The following HDAC9 variants were observed in gnomAD, a reference collection of about 807,000 sequenced individuals.
HDAC9 encodes MEF-2 interacting transcription repressor (MITR) protein.
A neutral mutation model predicts 139.4 loss-of-function variants in HDAC9; 41 were observed. That is an observed-to-expected ratio of 0.29 (90% CI 0.23 to 0.38). HDAC9 has a LOEUF of 0.38. Among genes scored for constraint, HDAC9 ranks in the 10% least tolerant of loss-of-function variants. The probability of loss-of-function intolerance (pLI) is 1.00; values close to 1 mark genes in which losing one functional copy is unlikely to be tolerated. For synonymous variants in HDAC9, 517 were observed against 476.2 expected (o/e 1.09, Z -1.12); for missense variants, 1,147 against 1,297.0 (o/e 0.88, Z 1.78).
intron 12 of HDAC9, among the ~76,000 whole-genome samples, chr7:18,720,024 A>C (rs1785024887): frequency 6.6e-6 from 1 of 152,198 alleles, no homozygotes; most frequent in Non-Finnish European, 1.5e-5. Context: ...AGCAAGGAAC[A>C]CACTGTTTTA....
intron 1 of HDAC9, among the ~76,000 whole-genome samples, chr7:18,136,519 T>C (rs1562659438): frequency 1.3e-5 from 2 of 152,236 alleles, no homozygotes. Context: ...GCTTTCTACA[T>C]ATGGCTAGCC....
At chr7:18,155,692 G>C (rs1439551674) in intron 1 of HDAC9, among the ~76,000 whole-genome samples, 2 of 152,166 alleles carry the variant, frequency 1.3e-5, no homozygotes, top group African/African-American at 4.8e-5. Flanking sequence ...CAGAGACTGT[G>C]TGTTAGATGT....
intron 2 of HDAC9, among the ~76,000 whole-genome samples, chr7:18,229,292 C>G (rs1431383637): frequency 2.6e-5 from 4 of 152,144 alleles, no homozygotes; most frequent in Non-Finnish European, 4.4e-5. Context: ...TGGTAACGAT[C>G]CATTTACCCA....
chr7:18,459,651 TA>T (rs1434127493), intron 1 of HDAC9, among the ~76,000 whole-genome samples: 1 of 152,156 alleles, frequency 6.6e-6, no homozygotes, highest in African/African-American at 2.4e-5. Context: ...GTATTCAAAT[TA>T]CAAATTAACA....
intron 6 of HDAC9, among the ~76,000 whole-genome samples, chr7:18,600,194 TACAA>T (rs1481519668): frequency 6.6e-6 from 1 of 152,152 alleles, no homozygotes; most frequent in African/African-American, 2.4e-5. Context: ...GTATTTTGGG[TACAA>T]ATTCTTTTTT....
At position 18,996,111 on chromosome 7, in the gene HDAC9, T is replaced by TC. The variant is rs989072453; in HGVS notation, c.*55dup. ...TTCCTGTGTGTGACATCATTGTGTA[T>TC]CCCCCCACCCCAGTACCCTCAGACA... On this transcript the variant is annotated 3_prime_UTR_variant, in exon 26 of 26. Coordinates refer to ENST00000686413, the MANE Select transcript of HDAC9 (RefSeq NM_178425.4). 5.0e-6 allele frequency: 7 copies of TC among 1,392,388 alleles called. No individual in the cohort carries two copies. Among genetic ancestry groups the TC allele is most frequent in the East Asian group, 2.4e-5 (1 of 42,440 alleles). The allele number at this position is 1,392,388 out of a possible 1,614,324, so 86.3% of individuals were successfully genotyped here.
rs193238317 is a variant in HDAC9 at position 18,612,037 on chromosome 7, T to C, written c.665-17313T>C. Among the ~76,000 whole-genome samples the C allele has an allele frequency of 2.7e-4, 41 of 152,280 alleles. No homozygotes were observed. In the East Asian group the frequency reaches 6.9e-3, roughly 26 times the overall value. On this transcript the variant is annotated intron_variant, in intron 6 of 25. Coordinates refer to ENST00000686413, the MANE Select transcript of HDAC9 (RefSeq NM_178425.4). Reference sequence around the variant, plus strand: ...CTAATTTGCTGATTATTGACAGAATTCTGAGAAATTGTAAATGTCATAGTA... The same window carrying C: ...CTAATTTGCTGATTATTGACAGAATCCTGAGAAATTGTAAATGTCATAGTA...
chr7:18,833,551 T>C (rs76071737), intron 19 of HDAC9, among the ~76,000 whole-genome samples: 1,614 of 152,318 alleles, frequency 0.011, 32 homozygotes, highest in African/African-American at 0.036. Context: ...ACAAAAGACA[T>C]TGTGGCTTTA....
At chr7:18,109,784 T>C (rs1280070793) in intron 1 of HDAC9, among the ~76,000 whole-genome samples, 1 of 152,222 alleles carries the variant, frequency 6.6e-6, no homozygotes, top group African/African-American at 2.4e-5. Context: ...ATGTTGTTAA[T>C]CTATCTTAAG....
chr7:18,751,953 T>G (rs1788485750), intron 14 of HDAC9, among the ~76,000 whole-genome samples: 1 of 150,140 alleles, frequency 6.7e-6, no homozygotes, highest in African/African-American at 2.5e-5. Context: ...CCAAGTCCAT[T>G]TTTTTTTTAC....
At chr7:18,148,008 A>G (rs1412318508) in intron 1 of HDAC9, among the ~76,000 whole-genome samples, 1 of 152,162 alleles carries the variant, frequency 6.6e-6, no homozygotes, top group Admixed American at 6.6e-5. Context: ...ATGGACATCT[A>G]GACTGTTTCC....
chr7:18,171,046 A>G (rs527886261), intron 2 of HDAC9, among the ~76,000 whole-genome samples: 9 of 152,246 alleles, frequency 5.9e-5, no homozygotes, highest in Admixed American at 1.3e-4. Flanking sequence ...CAGTATAGCT[A>G]TTTCCAAGAT....
At chr7:18,334,582 G>T (rs1026309774) in intron 1 of HDAC9, among the ~76,000 whole-genome samples, 1 of 151,354 alleles carries the variant, frequency 6.6e-6, no homozygotes, top group Admixed American at 6.6e-5. Flanking sequence ...CAAAAATCAC[G>T]TAACTTTTCC....
At chr7:18,245,903 C>G (rs908091730) in intron 2 of HDAC9, among the ~76,000 whole-genome samples, 1 of 151,648 alleles carries the variant, frequency 6.6e-6, no homozygotes, top group Non-Finnish European at 1.5e-5. Context: ...CTTAATGTTT[C>G]CAGAAGTTAG....
chr7:18,119,444 A>G (rs1443343799), intron 1 of HDAC9, among the ~76,000 whole-genome samples: 3 of 152,200 alleles, frequency 2.0e-5, no homozygotes, highest in Admixed American at 6.5e-5. Flanking sequence ...TTGTTATGGC[A>G]CAGTAGAGAG....
intron 1 of HDAC9, among the ~76,000 whole-genome samples, chr7:18,330,633 A>C (rs1210427548): frequency 6.6e-6 from 1 of 150,744 alleles, no homozygotes; most frequent in African/African-American, 2.4e-5. Flanking sequence ...TTTCCCCTCT[A>C]CTCCCTCCCT....
At chr7:18,592,802 G>A (rs535820746) in intron 5 of HDAC9, among the ~76,000 whole-genome samples, 98 of 152,004 alleles carry the variant, frequency 6.4e-4, no homozygotes, top group Middle Eastern at 6.8e-3. Context: ...TCAATATCAC[G>A]AATGATTTAA....
At chr7:18,629,018 C>G (rs182797606) in intron 6 of HDAC9, among the ~76,000 whole-genome samples, 17 of 152,264 alleles carry the variant, frequency 1.1e-4, no homozygotes, top group African/African-American at 4.1e-4. Flanking sequence ...ATAAATCTTA[C>G]TGTGACCCAA....
At chr7:18,409,616 A>G (rs1031527794) in intron 1 of HDAC9, among the ~76,000 whole-genome samples, 1 of 152,042 alleles carries the variant, frequency 6.6e-6, no homozygotes, top group Non-Finnish European at 1.5e-5. Flanking sequence ...CTTTCAAAAG[A>G]CCGTGTTTGC....
Sources: gnomAD v4.1 joint callset for allele counts (sites outside exome capture counted in the v4.1 genomes callset) on GRCh38, gnomAD v4.1.1 for gene constraint, MANE v1.5 for transcripts, NCBI Gene and HGNC (gene_info 2026-07-23, HGNC 2026-07-21) for gene names.